Variants in SHROOM3 observed in about 807,000 individuals in gnomAD.
The protein encoded by SHROOM3 is protein Shroom3.
SHROOM3 carries 47 observed loss-of-function variants against 138.6 expected under a neutral mutation model. The ratio of observed to expected loss-of-function variants is 0.34; its 90% CI spans 0.27 to 0.43. SHROOM3 has a LOEUF of 0.43. SHROOM3 is among the 20% of genes least tolerant of loss of function. The pLI, the probability that SHROOM3 is intolerant of heterozygous loss-of-function variation, is 1.00. For missense variants in SHROOM3, 2,491 were observed against 2,596.5 expected (o/e 0.96, Z 0.88); for synonymous variants, 1,062 against 1,063.3 (o/e 1.00, Z 0.02).
Position 76,741,714 on chromosome 4 carries a change from G to A in SHROOM3, c.3541G>A (p.Gly1181Arg), listed in dbSNP as rs770088687. 50 of 1,554,110 alleles carry A rather than the reference G, an allele frequency of 3.2e-5. No homozygotes were observed. The highest frequency in any genetic ancestry group is 4.0e-5 in the Non-Finnish European group (46 of 1,150,010). Residue 1181 changes from glycine to arginine, a missense_variant, in exon 5 of 11, where the codon GGG becomes AGG. By Grantham distance (125) the Gly-to-Arg change is moderately radical. This residue lies in a region of SHROOM3 where 1,733 missense variants were observed against 1,661.6 expected (regional missense o/e 1.04). Transcript: ENST00000296043. The surrounding 1 kb of genome is among the most constrained non-coding windows in gnomAD (Gnocchi z 6.2). The stretch of plus-strand genomic sequence containing the variant: ...CTCCTTCGCCGGTGGCCGCCGCCTC[G>A]GGGAACGGCGACGCGGGGACCTGCT... ...SSSFAGGRRL[G>R]ERRRGDLLSG...
chr4:76,547,109 T>A (rs1346317395), intron 1 of SHROOM3, among the ~76,000 whole-genome samples: 1 of 152,186 alleles, frequency 6.6e-6, no homozygotes, highest in African/African-American at 2.4e-5. Flanking sequence ...TATAATAGGT[T>A]CAGAGATTTT....
At position 76,780,987 on chromosome 4, in the gene SHROOM3, A is replaced by C. The variant is rs1173095062; in HGVS notation, c.*1810A>C. On this transcript the variant is annotated 3_prime_UTR_variant, in exon 11 of 11. Transcript: ENST00000296043. ...TCACAAGCCAAGCCAGGTGGAAGAC[A>C]GCCAGCAAACGTCTACAGTTATTCT... The C allele has an allele frequency of 6.6e-6, 1 of 152,242 alleles. No homozygotes were observed. Among genetic ancestry groups the C allele is most frequent in the Non-Finnish European group, 1.5e-5 (1 of 68,052 alleles). The allele number at this position is 152,242 out of a possible 1,614,324, so 9.4% of individuals were successfully genotyped here.
chr4:76,597,691 GTT>G lies in SHROOM3; in HGVS notation c.323+41930_323+41931del, dbSNP rs139032594. Among the ~76,000 whole-genome samples the G allele has an allele frequency of 1.9e-3, 288 of 152,280 alleles. 8 individuals are homozygous for G. In the East Asian group the frequency reaches 0.052, roughly 28 times the overall value. On this transcript the variant is annotated intron_variant, in intron 2 of 10. Coordinates refer to ENST00000296043, the MANE Select transcript of SHROOM3 (RefSeq NM_020859.4). Reference sequence around the variant, plus strand: ...AGGACAGGAAGCTGAAATCCAAGATGTTTATTCTTCTTAATCATAGGTTAATG... The same window carrying G: ...AGGACAGGAAGCTGAAATCCAAGATGTATTCTTCTTAATCATAGGTTAATG...
intron 2 of SHROOM3, among the ~76,000 whole-genome samples, chr4:76,602,503 T>C (rs1242090538): frequency 6.6e-6 from 1 of 152,220 alleles, no homozygotes; most frequent in Non-Finnish European, 1.5e-5. Flanking sequence ...AGAATTCTTT[T>C]GCTTTATCTT....
rs147655253 is a variant in SHROOM3 at position 76,455,470 on chromosome 4, T to G, written c.168+19250T>G. 4.4e-3 allele frequency among the ~76,000 whole-genome samples: 669 copies of G among 152,046 alleles called. 4 individuals carry two copies. Among genetic ancestry groups the G allele is most frequent in the African/African-American group, 0.015 (643 of 41,522 alleles). The stretch of plus-strand genomic sequence containing the variant: ...TGATAGATTTAATTCTGTACAAAAT[T>G]GAAAATATTTACCTAGCAAAAACTT... On this transcript the variant is annotated intron_variant, in intron 1 of 10. Transcript: ENST00000296043.
At chr4:76,469,799 G>A (rs1025209793) in intron 1 of SHROOM3, among the ~76,000 whole-genome samples, 5 of 152,026 alleles carry the variant, frequency 3.3e-5, no homozygotes, top group Non-Finnish European at 7.4e-5. Flanking sequence ...GAGAGGATTG[G>A]GGTCAGGAAA....
At chr4:76,651,728 T>G (rs1443578091) in intron 2 of SHROOM3, among the ~76,000 whole-genome samples, 1 of 152,188 alleles carries the variant, frequency 6.6e-6, no homozygotes, top group East Asian at 1.9e-4. Context: ...CCAAAGAGCA[T>G]AACCAGTAGA....
chr4:76,652,191 A>C (rs1225415068), intron 2 of SHROOM3, among the ~76,000 whole-genome samples: 1 of 152,232 alleles, frequency 6.6e-6, no homozygotes, highest in Non-Finnish European at 1.5e-5. Flanking sequence ...GCAGTTTAAT[A>C]ATTTGAGCTA....
rs543021565 is a variant in SHROOM3 at position 76,585,900 on chromosome 4, TGGGA to T, written c.323+30140_323+30143del. 4.8e-4 allele frequency among the ~76,000 whole-genome samples: 73 copies of T among 152,310 alleles called. 1 individual carries two copies. Among genetic ancestry groups the T allele is most frequent in the African/African-American group, 1.6e-3 (66 of 41,572 alleles). On this transcript the variant is annotated intron_variant, in intron 2 of 10. Transcript: ENST00000296043. ...ACAAAGAAGCCCGACTCGCCAGGGC[TGGGA>T]GGAAGGGCAGATAAAGCTGCCGACG... is the stretch of plus-strand genomic sequence containing the variant.
At chr4:76,491,088 G>A (rs1731840641) in intron 1 of SHROOM3, among the ~76,000 whole-genome samples, 1 of 152,210 alleles carries the variant, frequency 6.6e-6, no homozygotes, top group African/African-American at 2.4e-5. Context: ...TGGTCTGACT[G>A]TGAAGTGATA....
At chr4:76,693,370 G>GTTTTTTTTTTTTTTTTTTTTTTT (rs10648549) in intron 2 of SHROOM3, among the ~76,000 whole-genome samples, 3 of 79,810 alleles carry the variant, frequency 3.8e-5, no homozygotes, top group Admixed American at 1.7e-4. Context: ...TGATAAGTTT[G>GTTTTTTTTTTTTTTTTTTTTTTT]TTTTTTTTTT....
intron 1 of SHROOM3, among the ~76,000 whole-genome samples, chr4:76,455,943 T>C (rs887737163): frequency 6.6e-6 from 1 of 152,186 alleles, no homozygotes; most frequent in African/African-American, 2.4e-5. Context: ...TGCTTAAGTC[T>C]CTTATATAAA....
intron 2 of SHROOM3, among the ~76,000 whole-genome samples, chr4:76,589,076 G>A (rs749728783): frequency 3.3e-5 from 5 of 152,226 alleles, no homozygotes; most frequent in East Asian, 1.9e-4. Context: ...GCCGCAGAGC[G>A]GTATGGGTGG....
At chr4:76,645,073 T>G (rs1735783412) in intron 2 of SHROOM3, among the ~76,000 whole-genome samples, 6 of 152,214 alleles carry the variant, frequency 3.9e-5, no homozygotes, top group Admixed American at 3.9e-4. Flanking sequence ...CCTGGCTCTT[T>G]GACTCCAAAG....
At chr4:76,582,026 G>A (rs988385467) in intron 2 of SHROOM3, among the ~76,000 whole-genome samples, 4 of 152,176 alleles carry the variant, frequency 2.6e-5, no homozygotes. Context: ...TATTTATTAA[G>A]CACCTAATAA....
chr4:76,548,444 A>G (rs966440054), intron 1 of SHROOM3, among the ~76,000 whole-genome samples: 20 of 152,316 alleles, frequency 1.3e-4, no homozygotes, highest in African/African-American at 4.3e-4. Context: ...GTGGTTAAGC[A>G]TGAGGAAAAG....
chr4:76,515,711 G>A (rs186289124), intron 1 of SHROOM3, among the ~76,000 whole-genome samples: 11 of 152,132 alleles, frequency 7.2e-5, no homozygotes, highest in East Asian at 1.9e-4. Flanking sequence ...TGGATTTTAC[G>A]TCTAAAAACC....
chr4:76,436,036 G>A lies in SHROOM3; in HGVS notation c.-17G>A. ...TTCAGGCATTTTAAATTTAACTTGA[G>A]GGATCATGTGTTTGGCATGATGAGG... On this transcript the variant is annotated 5_prime_UTR_variant, in exon 1 of 11. Transcript: ENST00000296043. 6.2e-7 allele frequency: 1 copy of A among 1,612,888 alleles called. No homozygotes were observed. The highest frequency in any genetic ancestry group is 8.5e-7 in the Non-Finnish European group (1 of 1,179,454).
At chr4:76,717,007 A>G (rs1409043841) in intron 3 of SHROOM3, among the ~76,000 whole-genome samples, 1 of 152,218 alleles carries the variant, frequency 6.6e-6, no homozygotes, top group Non-Finnish European at 1.5e-5. Flanking sequence ...CTTGCAAGGC[A>G]AGTCTATTGG....
Sources: allele counts gnomAD v4.1 joint callset (sites outside exome capture counted in the v4.1 genomes callset), GRCh38; gene constraint gnomAD v4.1.1; regional missense constraint gnomAD v4.1.1; non-coding constraint Gnocchi (gnomAD v3.1); transcripts MANE v1.5; gene names NCBI Gene and HGNC (gene_info 2026-07-23, HGNC 2026-07-21).